Variants in TNRC6B observed in about 807,000 individuals in gnomAD.
The protein encoded by TNRC6B is trinucleotide repeat-containing gene 6B protein.
TNRC6B carries 52 observed loss-of-function variants against 203.6 expected under a neutral mutation model. That is an observed-to-expected ratio of 0.26 (90% CI 0.20 to 0.32). The LOEUF is 0.32. TNRC6B is among the 10% of genes least tolerant of loss of function. TNRC6B has a pLI of 1.00. For missense variants in TNRC6B, 1,923 were observed against 2,286.2 expected, an observed-to-expected ratio of 0.84 and a Z score of 3.24; for synonymous variants, 838 against 845.7, an observed-to-expected ratio of 0.99 and a Z score of 0.16.
chr22:40,222,288 C>A (rs1444277795), intron 1 of TNRC6B, among the ~76,000 whole-genome samples: 1 of 152,166 alleles, frequency 6.6e-6, no homozygotes, highest in Non-Finnish European at 1.5e-5. Context: ...CTACAGAATG[C>A]TGAGGTGTCA....
chr22:40,056,279 G>A (rs2067794903), intron 1 of TNRC6B, among the ~76,000 whole-genome samples: 1 of 152,218 alleles, frequency 6.6e-6, no homozygotes, highest in East Asian at 1.9e-4. Context: ...TTATGCTCTG[G>A]TAGTGCTGAT....
At chr22:40,111,429 G>T (rs1320829334) in intron 1 of TNRC6B, among the ~76,000 whole-genome samples, 1 of 151,814 alleles carries the variant, frequency 6.6e-6, no homozygotes, top group Non-Finnish European at 1.5e-5. Flanking sequence ...GGGAGGGGTG[G>T]GTCTTGAGGG....
chr22:40,300,877 T>G (rs111897485), intron 13 of TNRC6B, 33 bp from the exon 14 acceptor site: 2 of 1,598,888 alleles, frequency 1.3e-6, no homozygotes, highest in African/African-American at 2.7e-5. Context: ...CTCAGGAAAC[T>G]TTGGTTTTCT....
At chr22:40,230,891 A>G (rs1476020344) in intron 1 of TNRC6B, among the ~76,000 whole-genome samples, 4 of 152,152 alleles carry the variant, frequency 2.6e-5, no homozygotes, top group Admixed American at 2.6e-4. Context: ...ATCTAGTTCT[A>G]TGATTCATTG....
chr22:40,312,618 A>G lies in TNRC6B; in HGVS notation c.4549A>G (p.Thr1517Ala). The G allele has an allele frequency of 1.2e-6, 2 of 1,613,376 alleles. No individual in the cohort carries two copies. Among genetic ancestry groups the G allele is most frequent in the Non-Finnish European group, 1.7e-6 (2 of 1,179,768 alleles). Residue 1517 changes from threonine (T) to alanine (A), a missense_variant, in exon 18 of 23, where the codon ACT becomes GCT. Thr to Ala is a moderately conservative substitution (Grantham distance 58). Coordinates refer to ENST00000454349, the MANE Select transcript of TNRC6B (RefSeq NM_001162501.2). ...GGTATSPIVD[T>A]DHQLLRDNTT... ...TACAGCCACATCTCCCATTGTAGAT[A>G]CTGACCACCAACTGCTGCGGGATAA...
intron 3 of TNRC6B, among the ~76,000 whole-genome samples, chr22:40,148,283 C>CTTT (rs907310952): frequency 1.6e-5 from 2 of 128,796 alleles, no homozygotes; most frequent in Admixed American, 7.9e-5. Flanking sequence ...AAAACAGTTT[C>CTTT]TTTTTTTTTT....
At chr22:40,301,044 A>G in intron 14 of TNRC6B, 39 bp downstream of exon 14, 1 of 1,597,206 alleles carries the variant, frequency 6.3e-7, no homozygotes, top group Non-Finnish European at 8.5e-7. Flanking sequence ...GCTGTGTTGG[A>G]GGAGTACATC....
At chr22:40,196,389 A>G (rs577574790) in intron 1 of TNRC6B, among the ~76,000 whole-genome samples, 3 of 152,160 alleles carry the variant, frequency 2.0e-5, no homozygotes, top group South Asian at 4.1e-4. Flanking sequence ...TTAAATCCTA[A>G]TAGTTACTGG....
At position 40,265,720 on chromosome 22, in the gene TNRC6B, G is replaced by T. The variant is rs780999754; in HGVS notation, c.1490G>T (p.Gly497Val). The T allele has an allele frequency of 3.1e-6, 5 of 1,613,904 alleles. No individual in the cohort carries two copies. The highest frequency in any genetic ancestry group is 3.4e-6 in the Non-Finnish European group (4 of 1,179,892). The change falls in exon 5 of 23, where the codon GGT becomes GTT. Residue 497 changes from glycine (G) to valine (V), a missense_variant. Transcript: ENST00000454349. ...GPQDSNDNKW[G>V]EGNKMTSGVS... ...CAGGACTCTAATGACAACAAATGGG[G>T]TGAAGGGAACAAAATGACATCTGGG...
chr22:40,170,915 G>A (rs1326322999), intron 4 of TNRC6B, among the ~76,000 whole-genome samples: 3 of 140,232 alleles, frequency 2.1e-5, no homozygotes, highest in African/African-American at 7.9e-5. Context: ...GTGCATATAT[G>A]TGTGTATATA....
intron 1 of TNRC6B, among the ~76,000 whole-genome samples, chr22:40,104,067 A>G (rs946330547): frequency 1.3e-5 from 2 of 151,708 alleles, no homozygotes; most frequent in Non-Finnish European, 2.9e-5. Flanking sequence ...CCTGGCCAAC[A>G]TGGTGAAACC....
At chr22:40,217,407 G>T (rs116445086) in intron 1 of TNRC6B, among the ~76,000 whole-genome samples, 1 of 152,112 alleles carries the variant, frequency 6.6e-6, no homozygotes, top group African/African-American at 2.4e-5. Flanking sequence ...CCCAGGTCTC[G>T]TGGGGTGTCA....
chr22:40,047,449 A>G (rs2067700158), intron 1 of TNRC6B, among the ~76,000 whole-genome samples: 1 of 151,996 alleles, frequency 6.6e-6, no homozygotes, highest in African/African-American at 2.4e-5. Flanking sequence ...TAAAAATACA[A>G]AAAATTAGCC....
upstream of TNRC6B, among the ~76,000 whole-genome samples, chr22:40,173,798 T>TATATATATATATATAA (rs1347105048): frequency 1.2e-3 from 72 of 61,088 alleles, no homozygotes; most frequent in Non-Finnish European, 1.7e-3. Flanking sequence ...TATATATTTT[T>TATATATATATATATAA]TTTTTTTTTT....
intron 1 of TNRC6B, among the ~76,000 whole-genome samples, chr22:40,228,878 A>G (rs2069828931): frequency 6.6e-6 from 1 of 152,050 alleles, no homozygotes; most frequent in South Asian, 2.1e-4. Flanking sequence ...TCCTAATTTC[A>G]GGCTGTTGTT....
Position 40,323,262 on chromosome 22 carries a change from A to G in TNRC6B, c.*21A>G. ...TCTGAACTTAGAACTTTCAACTCTG[A>G]CCTCGTGACCTTTTTTGGAACAGCA... On this transcript the variant is annotated 3_prime_UTR_variant, in exon 23 of 23. Transcript: ENST00000454349. The G allele has an allele frequency of 6.3e-7, 1 of 1,588,772 alleles. No homozygotes were observed. Among genetic ancestry groups the G allele is most frequent in the Non-Finnish European group, 8.5e-7 (1 of 1,172,888 alleles).
upstream of TNRC6B, among the ~76,000 whole-genome samples, chr22:40,173,226 A>G (rs1211068551): frequency 6.6e-6 from 1 of 152,018 alleles, no homozygotes; most frequent in Non-Finnish European, 1.5e-5. Context: ...GTTCCCGAGT[A>G]GCTGGGACTA....
Position 40,335,673 on chromosome 22 carries a change from TTTTTA to T in TNRC6B, c.*12447_*12451del, listed in dbSNP as rs921672914. 3 of 151,776 alleles carry T rather than the reference TTTTTA, an allele frequency of 2.0e-5. No individual in the cohort carries two copies. Among genetic ancestry groups the T allele is most frequent in the Non-Finnish European group, 4.4e-5 (3 of 67,864 alleles). 9.4% of individuals were successfully genotyped at this position (151,776 alleles called of 1,614,324 possible). On this transcript the variant is annotated 3_prime_UTR_variant, in exon 23 of 23. Transcript: ENST00000454349. ...AGCTTATTTTTGTTTTTGTTTAGTT[TTTTTA>T]TTTTATTTTATTTTGGAAAGATATG...
intron 11 of TNRC6B, among the ~76,000 whole-genome samples, chr22:40,283,605 A>G (rs2070745231): frequency 6.6e-6 from 1 of 152,176 alleles, no homozygotes; most frequent in Admixed American, 6.5e-5. Context: ...TTCCATATTA[A>G]GTTACAGACG....
Sources: gnomAD v4.1 joint callset for allele counts (sites outside exome capture counted in the v4.1 genomes callset) on GRCh38, gnomAD v4.1.1 for gene constraint, MANE v1.5 for transcripts, NCBI Gene and HGNC (gene_info 2026-07-23, HGNC 2026-07-21) for gene names.